The following CTNNA2 variants were observed in gnomAD, a reference collection of about 807,000 sequenced individuals.
The protein encoded by CTNNA2 is catenin alpha 2, also known as catenin alpha-2.
Under a neutral mutation model 101.0 loss-of-function variants are expected in CTNNA2, and 42 were observed. The observed-to-expected ratio is 0.42, with a 90% CI of 0.32 to 0.54. CTNNA2 has a LOEUF of 0.54. Among genes scored for constraint, CTNNA2 ranks in the 20% least tolerant of loss-of-function variants. The pLI, the probability that CTNNA2 is intolerant of heterozygous loss-of-function variation, is 0.14. For missense variants in CTNNA2, 871 were observed against 1,223.1 expected (o/e 0.71, Z 4.29); for synonymous variants, 450 against 456.4 (o/e 0.99, Z 0.18).
At chr2:80,118,539 G>A (rs1558825787) in intron 7 of CTNNA2, among the ~76,000 whole-genome samples, 2 of 152,170 alleles carry the variant, frequency 1.3e-5, no homozygotes, top group African/African-American at 2.4e-5. Context: ...CTGAAACTGG[G>A]TTTCTTTTGG....
At chr2:80,450,450 A>G (rs568940470) in intron 9 of CTNNA2, among the ~76,000 whole-genome samples, 1 of 152,276 alleles carries the variant, frequency 6.6e-6, no homozygotes, top group South Asian at 2.1e-4. Flanking sequence ...AAGGACAAAG[A>G]TGTGCTGAGA....
chr2:79,275,089 C>T (rs1049595614), intron 2 of CTNNA2, among the ~76,000 whole-genome samples: 2 of 152,028 alleles, frequency 1.3e-5, no homozygotes, highest in Non-Finnish European at 2.9e-5. Context: ...TGGAAGGCTT[C>T]AGTTATTTTC....
chr2:79,546,192 A>C (rs963562184), intron 1 of CTNNA2, among the ~76,000 whole-genome samples: 2 of 152,170 alleles, frequency 1.3e-5, no homozygotes, highest in East Asian at 1.9e-4. Flanking sequence ...AAATATTGCC[A>C]ATACTGAGTG....
At chr2:79,289,274 T>C (rs558254130) in intron 2 of CTNNA2, among the ~76,000 whole-genome samples, 6 of 152,332 alleles carry the variant, frequency 3.9e-5, no homozygotes, top group African/African-American at 1.4e-4. Flanking sequence ...GTTAGTTTTT[T>C]TTCTTTGGGG....
chr2:80,288,122 CATTCCA>C (rs1447282648), intron 7 of CTNNA2, among the ~76,000 whole-genome samples: 1 of 152,150 alleles, frequency 6.6e-6, no homozygotes, highest in Non-Finnish European at 1.5e-5. Flanking sequence ...CTGGTGATAG[CATTCCA>C]AGTGGGGGAC....
At chr2:79,286,677 G>T (rs185815485) in intron 2 of CTNNA2, among the ~76,000 whole-genome samples, 1 of 152,182 alleles carries the variant, frequency 6.6e-6, no homozygotes, top group Admixed American at 6.5e-5. Context: ...CTCTCTGGCC[G>T]CCCTTAACAT....
intron 8 of CTNNA2, 122 bp from the exon 9 acceptor site, chr2:80,419,326 TA>T (rs1559093916): frequency 1.3e-6 from 1 of 754,450 alleles, no homozygotes. Flanking sequence ...GGGAAAATTT[TA>T]AAAAGAAAAT....
At chr2:79,433,005 G>A (rs1003367783) in intron 4 of CTNNA2, among the ~76,000 whole-genome samples, 2 of 152,192 alleles carry the variant, frequency 1.3e-5, no homozygotes, top group African/African-American at 4.8e-5. Context: ...TTTTCAAATA[G>A]CAACTGGAGT....
chr2:80,035,149 A>G (rs1695566513), intron 7 of CTNNA2, among the ~76,000 whole-genome samples: 1 of 152,198 alleles, frequency 6.6e-6, no homozygotes, highest in Admixed American at 6.5e-5. Flanking sequence ...TCTCCCAGGG[A>G]TACGGTTCAG....
At chr2:80,612,734 G>C (rs187734527) in intron 17 of CTNNA2, among the ~76,000 whole-genome samples, 27 of 151,460 alleles carry the variant, frequency 1.8e-4, no homozygotes, top group Middle Eastern at 3.4e-3. Flanking sequence ...TGTACATTAA[G>C]CAACCTTTTT....
chr2:80,557,366 C>T (rs1252967888), intron 12 of CTNNA2, among the ~76,000 whole-genome samples: 1 of 152,100 alleles, frequency 6.6e-6, no homozygotes, highest in Non-Finnish European at 1.5e-5. Context: ...TTCCCTAATT[C>T]TCCAAATTAA....
intron 9 of CTNNA2, among the ~76,000 whole-genome samples, chr2:80,506,301 T>C (rs1688273014): frequency 6.6e-6 from 1 of 151,954 alleles, no homozygotes. Flanking sequence ...AGAAGTGAGA[T>C]AAAATGGAAG....
chr2:79,963,708 A>G (rs1050156631), intron 7 of CTNNA2, among the ~76,000 whole-genome samples: 1 of 152,202 alleles, frequency 6.6e-6, no homozygotes, highest in Non-Finnish European at 1.5e-5. Context: ...CAGCAAAACA[A>G]TGGGCTAAGT....
intron 7 of CTNNA2, among the ~76,000 whole-genome samples, chr2:80,249,221 T>A (rs1456043310): frequency 6.6e-6 from 1 of 152,212 alleles, no homozygotes; most frequent in Non-Finnish European, 1.5e-5. Context: ...CTTTTATTTA[T>A]CCTTCCTCTG....
At chr2:80,331,845 T>C (rs79478550) in intron 7 of CTNNA2, among the ~76,000 whole-genome samples, 21,415 of 152,080 alleles carry the variant, frequency 0.14, 1,825 homozygotes, top group East Asian at 0.37. Context: ...ATGATTGTCA[T>C]AACTTACACC....
intron 4 of CTNNA2, among the ~76,000 whole-genome samples, chr2:79,460,181 T>G (rs1336105597): frequency 5.9e-5 from 9 of 152,200 alleles, no homozygotes; most frequent in Admixed American, 4.6e-4. Context: ...ATATTTATTC[T>G]TTTTTACATT....
At chr2:79,791,091 C>T (rs931189125) in intron 3 of CTNNA2, among the ~76,000 whole-genome samples, 3 of 152,098 alleles carry the variant, frequency 2.0e-5, no homozygotes, top group Non-Finnish European at 4.4e-5. Context: ...AGATTGGGCA[C>T]AGATATAAAA....
chr2:80,568,119 T>C (rs1306965745), intron 12 of CTNNA2, among the ~76,000 whole-genome samples: 4 of 152,178 alleles, frequency 2.6e-5, no homozygotes, highest in Non-Finnish European at 5.9e-5. Flanking sequence ...GTGATGCTCC[T>C]TCTGAAGAAG....
At chr2:79,844,032 G>C (rs1279552003) in intron 3 of CTNNA2, among the ~76,000 whole-genome samples, 1 of 152,206 alleles carries the variant, frequency 6.6e-6, no homozygotes, top group African/African-American at 2.4e-5. Flanking sequence ...TAAATTTGTA[G>C]TGAAAAATAT....
Sources: allele counts gnomAD v4.1 joint callset (sites outside exome capture counted in the v4.1 genomes callset), GRCh38; gene constraint gnomAD v4.1.1; transcripts MANE v1.5; gene names NCBI Gene and HGNC (gene_info 2026-07-23, HGNC 2026-07-21).